The following UBAC2 variants were observed in gnomAD, a reference collection of about 807,000 sequenced individuals.
UBAC2 encodes ubiquitin-associated domain-containing protein 2.
A neutral mutation model predicts 44.0 loss-of-function variants in UBAC2; 26 were observed. The observed-to-expected ratio is 0.59, with a 90% CI of 0.43 to 0.82. The LOEUF (loss-of-function observed/expected upper bound fraction) is 0.82, where lower values mean the gene tolerates loss of function less well. Among genes scored for constraint, UBAC2 ranks in the 40% least tolerant of loss-of-function variants. The pLI is 0.00. For synonymous variants in UBAC2, 155 were observed against 154.3 expected (o/e 1.00, Z -0.04); for missense variants, 329 against 419.4 (o/e 0.78, Z 1.88).
At chr13:99,230,822 G>C (rs980447859) in intron 1 of UBAC2, among the ~76,000 whole-genome samples, 1 of 152,118 alleles carries the variant, frequency 6.6e-6, no homozygotes, top group African/African-American at 2.4e-5. Flanking sequence ...AGGCCGAGGC[G>C]GGTGGATCAT....
chr13:99,354,587 A>G (rs1176277052), intron 7 of UBAC2, among the ~76,000 whole-genome samples: 3 of 151,696 alleles, frequency 2.0e-5, no homozygotes, highest in Admixed American at 6.6e-5. Flanking sequence ...GCCCTATGCA[A>G]ATGGAAGGGA....
In UBAC2 at chr13:99,302,910, T is replaced by C. The variant is rs1927727; in HGVS notation, c.390-11187T>C. Among the ~76,000 whole-genome samples, 1,024 of 152,294 alleles carry C rather than the reference T, an allele frequency of 6.7e-3. 18 individuals are homozygous for C. The highest frequency in any genetic ancestry group is 0.024 in the African/African-American group (979 of 41,542). ...TCCCAGCCAACTTTGAGTCCTAAAT[T>C]GATAGCTATGTTTATGTCCATGATT... On this transcript the variant is annotated intron_variant, in intron 4 of 8. Coordinates refer to ENST00000403766, the MANE Select transcript of UBAC2 (RefSeq NM_001144072.2).
chr13:99,357,372 G>A (rs550997612), intron 7 of UBAC2, among the ~76,000 whole-genome samples: 2 of 152,292 alleles, frequency 1.3e-5, no homozygotes, highest in African/African-American at 2.4e-5. Flanking sequence ...GATGCCTCTC[G>A]TTCAGTCCTG....
At chr13:99,325,047 G>A (rs1198893209) in intron 6 of UBAC2, among the ~76,000 whole-genome samples, 1 of 149,612 alleles carries the variant, frequency 6.7e-6, no homozygotes, top group African/African-American at 2.4e-5. Flanking sequence ...TAGCTGAAAA[G>A]TAGTGGAGAC....
intron 6 of UBAC2, among the ~76,000 whole-genome samples, chr13:99,319,644 A>T (rs1216552513): frequency 1.3e-5 from 2 of 152,210 alleles, no homozygotes; most frequent in African/African-American, 2.4e-5. Context: ...ATCTACCCAG[A>T]TACCTGATTT....
intron 8 of UBAC2, among the ~76,000 whole-genome samples, chr13:99,378,998 C>T (rs1385463400): frequency 6.6e-6 from 1 of 152,162 alleles, no homozygotes. Flanking sequence ...CAAGGTATAA[C>T]AAAATATTTC....
chr13:99,345,266 C>T (rs982256804), intron 7 of UBAC2, among the ~76,000 whole-genome samples: 9 of 152,254 alleles, frequency 5.9e-5, no homozygotes, highest in African/African-American at 2.2e-4. Flanking sequence ...CAATAGATTT[C>T]GGCTTGGACA....
At chr13:99,244,197 A>G (rs1439851818) in intron 3 of UBAC2, among the ~76,000 whole-genome samples, 1 of 152,196 alleles carries the variant, frequency 6.6e-6, no homozygotes, top group Non-Finnish European at 1.5e-5. Flanking sequence ...ACAAATTTTA[A>G]TACTTTGACT....
intron 8 of UBAC2, among the ~76,000 whole-genome samples, chr13:99,384,016 C>T (rs1593997627): frequency 1.3e-5 from 2 of 152,348 alleles, no homozygotes; most frequent in African/African-American, 4.8e-5. Context: ...GGAAGAACAG[C>T]AGGCTTTCTG....
intron 8 of UBAC2, among the ~76,000 whole-genome samples, chr13:99,371,446 G>C (rs1168475554): frequency 1.3e-5 from 2 of 152,072 alleles, no homozygotes; most frequent in African/African-American, 4.8e-5. Flanking sequence ...CAGGCTCTTG[G>C]TGTTCTTTGC....
chr13:99,358,412 A>G (rs1346024780), intron 7 of UBAC2, among the ~76,000 whole-genome samples: 1 of 152,270 alleles, frequency 6.6e-6, no homozygotes, highest in Admixed American at 6.5e-5. Context: ...GGGAGAATCC[A>G]GCAACCTTCT....
At chr13:99,286,982 G>C (rs2044026680) in intron 4 of UBAC2, among the ~76,000 whole-genome samples, 1 of 152,070 alleles carries the variant, frequency 6.6e-6, no homozygotes, top group Non-Finnish European at 1.5e-5. Flanking sequence ...GTAAGGGCAT[G>C]TGTTAGAGAA....
At chr13:99,363,076 G>A (rs773898833) in intron 7 of UBAC2, among the ~76,000 whole-genome samples, 8 of 152,178 alleles carry the variant, frequency 5.3e-5, no homozygotes, top group Non-Finnish European at 1.2e-4. Context: ...TGTGAAGTAA[G>A]GGCCTAGTTT....
chr13:99,363,684 A>C (rs574369782), intron 7 of UBAC2, among the ~76,000 whole-genome samples: 21 of 152,358 alleles, frequency 1.4e-4, no homozygotes, highest in Non-Finnish European at 1.8e-4. Flanking sequence ...AACCTAGTCA[A>C]CATGGAAAGA....
chr13:99,300,272 A>G lies in UBAC2; in HGVS notation c.390-13825A>G, dbSNP rs187936987. On this transcript the variant is annotated intron_variant, in intron 4 of 8. Transcript: ENST00000403766. ...GGTGGCCAAAGAAAGGCATTTGCAG[A>G]ATGTGGACGTGTAAGTGGGATGGCT... 2.8e-4 allele frequency among the ~76,000 whole-genome samples: 43 copies of G among 152,334 alleles called. 2 individuals are homozygous for G. In the East Asian group the frequency reaches 7.7e-3, roughly 27 times the overall value.
chr13:99,339,274 A>G (rs1358647416), intron 6 of UBAC2, among the ~76,000 whole-genome samples: 2 of 152,182 alleles, frequency 1.3e-5, no homozygotes, highest in African/African-American at 4.8e-5. Context: ...TCGCTCAAGT[A>G]TCACTTTCTC....
rs1056602442 is a variant in UBAC2, at chr13:99,351,947, T to C, written c.807+11382T>C. On this transcript the variant is annotated intron_variant, in intron 7 of 8. Transcript: ENST00000403766. ...TACTCACACGTGCTTTCAGTTACTT[T>C]CGCAGCATTTGGTTAAAGTGAGTTT... 7.7e-5 allele frequency: 27 copies of C among 351,868 alleles called. No homozygotes were observed. In the Admixed American group the frequency reaches 9.1e-4, roughly 12 times the overall value. 21.8% of individuals were successfully genotyped at this position (351,868 alleles called of 1,614,324 possible). A position where few individuals can be genotyped will look rare whatever the true frequency, so the allele number is the denominator to read the frequency against.
At chr13:99,366,393 C>T (rs1412723338) in intron 7 of UBAC2, among the ~76,000 whole-genome samples, 1 of 152,142 alleles carries the variant, frequency 6.6e-6, no homozygotes, top group African/African-American at 2.4e-5. Context: ...TCCCATGTAA[C>T]CCCAAGGCAA....
intron 6 of UBAC2, among the ~76,000 whole-genome samples, chr13:99,330,466 A>AAAAAAAAG (rs1555329958): frequency 1.3e-5 from 2 of 148,452 alleles, no homozygotes; most frequent in East Asian, 3.9e-4. Flanking sequence ...CTCAAAAAAA[A>AAAAAAAAG]AAAAAAAAAA....
Sources: gnomAD v4.1 joint callset for allele counts (sites outside exome capture counted in the v4.1 genomes callset) on GRCh38, gnomAD v4.1.1 for gene constraint, MANE v1.5 for transcripts, NCBI Gene and HGNC (gene_info 2026-07-23, HGNC 2026-07-21) for gene names.